Variants in AGAP1 observed in about 807,000 individuals in gnomAD.
AGAP1 encodes the protein ArfGAP with GTPase domain, ankyrin repeat and PH domain 1.
A neutral mutation model predicts 105.3 loss-of-function variants in AGAP1; 29 were observed. The ratio of observed to expected loss-of-function variants is 0.28; its 90% CI spans 0.21 to 0.38. The LOEUF is 0.38. Among genes scored for constraint, AGAP1 ranks in the 10% least tolerant of loss-of-function variants. The pLI is 1.00. For missense variants in AGAP1, 998 were observed against 1,165.1 expected, an observed-to-expected ratio of 0.86 and a Z score of 2.09; for synonymous variants, 509 against 485.9, an observed-to-expected ratio of 1.05 and a Z score of -0.63.
intron 1 of AGAP1, among the ~76,000 whole-genome samples, chr2:235,607,451 C>T (rs1369233071): frequency 6.6e-6 from 1 of 152,260 alleles, no homozygotes; most frequent in East Asian, 1.9e-4. Flanking sequence ...AGCAAACTCA[C>T]AGAGCCCAGG....
At position 236,104,877 on chromosome 2, in the gene AGAP1, G is replaced by C. The variant is rs1318609294; in HGVS notation, c.2115-15315G>C. Among the ~76,000 whole-genome samples the C allele has an allele frequency of 3.9e-5, 6 of 152,010 alleles. No individual in the cohort carries two copies. Among genetic ancestry groups the C allele is most frequent in the Non-Finnish European group, 8.8e-5 (6 of 67,994 alleles). ...TTCATGCCACTGCACTGCAGCCTGG[G>C]CTACAGAGCGAGACTCTGTCTCAAG... On this transcript the variant is annotated intron_variant, in intron 16 of 17. Transcript: ENST00000304032. This position sits in a 1 kb window ranked among gnomAD's most constrained non-coding sequence, Gnocchi z 4.7.
intron 9 of AGAP1, among the ~76,000 whole-genome samples, chr2:235,880,593 A>C (rs899666537): frequency 1.3e-5 from 2 of 149,202 alleles, no homozygotes; most frequent in African/African-American, 2.5e-5. Context: ...AAAAAAAATT[A>C]GCCAGGCATG....
chr2:235,589,705 A>G (rs58682078), intron 1 of AGAP1, among the ~76,000 whole-genome samples: 91 of 152,186 alleles, frequency 6.0e-4, no homozygotes, highest in African/African-American at 1.7e-3. Flanking sequence ...AGATAGATAG[A>G]TAGAGATATA....
At position 235,887,750 on chromosome 2, in the gene AGAP1, C is replaced by T. The variant is rs560632361; in HGVS notation, c.1155+4301C>T. Reference sequence around the variant, plus strand: ...GGTATCAATAGTGAGGTTGCTGCACCGATTCCTGGTGTATACCACTAATTT... The same window carrying T: ...GGTATCAATAGTGAGGTTGCTGCACTGATTCCTGGTGTATACCACTAATTT... On this transcript the variant is annotated intron_variant, in intron 10 of 17. Transcript: ENST00000304032. This position sits in a 1 kb window ranked among gnomAD's most constrained non-coding sequence, Gnocchi z 4.1. Among the ~76,000 whole-genome samples the T allele has an allele frequency of 8.5e-5, 13 of 152,272 alleles. No homozygotes were observed. The South Asian group carries it at 2.1e-3, about 24-fold the overall frequency.
chr2:235,943,953 TATTA>T (rs2053377641), intron 12 of AGAP1, among the ~76,000 whole-genome samples: 1 of 152,230 alleles, frequency 6.6e-6, no homozygotes, highest in South Asian at 2.1e-4. Flanking sequence ...GTGATATTAA[TATTA>T]ATTATACAAT....
chr2:236,069,599 T>C lies in AGAP1; in HGVS notation c.2114+20318T>C, dbSNP rs1161405647. Among the ~76,000 whole-genome samples the C allele has an allele frequency of 3.3e-5, 5 of 152,136 alleles. No homozygotes were observed. In the East Asian group the frequency reaches 5.8e-4, roughly 18 times the overall value. ...CCACCACGCCTGGCTAACTTTTGTA[T>C]TTTTAGTAGAGACGGGGTTTCACCA... On this transcript the variant is annotated intron_variant, in intron 16 of 17. Transcript: ENST00000304032.
rs1481587347 is a variant in AGAP1, at chr2:235,908,940, T to G, written c.1324+34T>G. ...ACAGCAAATGCACTAACAAATCAAGTTCAACAGCAACAGGTGGTCCAGGCT... is the reference window on the plus strand; with the variant it reads ...ACAGCAAATGCACTAACAAATCAAGGTCAACAGCAACAGGTGGTCCAGGCT... On this transcript the variant is annotated intron_variant, in intron 11 of 17. Coordinates refer to ENST00000304032, the MANE Select transcript of AGAP1 (RefSeq NM_001037131.3). The surrounding 1 kb of genome is among the most constrained non-coding windows in gnomAD (Gnocchi z 4.4). 3.1e-6 allele frequency: 5 copies of G among 1,588,982 alleles called. No homozygotes were observed. The African/African-American group carries it at 6.7e-5, about 21-fold the overall frequency.
At position 236,000,176 on chromosome 2, in the gene AGAP1, A is replaced by G. The variant is rs1222106110; in HGVS notation, c.1645+31553A>G. On this transcript the variant is annotated intron_variant, in intron 13 of 17. Transcript: ENST00000304032. The surrounding 1 kb of genome is among the most constrained non-coding windows in gnomAD (Gnocchi z 4.3). ...CTGGAGAGCTGCATATTACGTTGTT[A>G]TTTTTGTCTTTCCAATTACACTAAC... is the stretch of plus-strand genomic sequence containing the variant. Among the ~76,000 whole-genome samples, 1 of 152,086 alleles carries G rather than the reference A, an allele frequency of 6.6e-6. No individual in the cohort carries two copies. The highest frequency in any genetic ancestry group is 1.5e-5 in the Non-Finnish European group (1 of 68,024).
intron 6 of AGAP1, among the ~76,000 whole-genome samples, chr2:235,780,410 C>T (rs1018722065): frequency 1.1e-4 from 16 of 151,984 alleles, no homozygotes; most frequent in African/African-American, 3.6e-4. Flanking sequence ...AGTAAGCAAA[C>T]TCAAAGAGAT....
chr2:235,776,939 A>G, intron 6 of AGAP1: 1 of 471,154 alleles, frequency 2.1e-6, no homozygotes, highest in East Asian at 7.0e-5. Context: ...GAGCAGGAAA[A>G]GCTGGGGCCG....
At chr2:235,548,125 A>G (rs1463912545) in intron 1 of AGAP1, among the ~76,000 whole-genome samples, 2 of 152,214 alleles carry the variant, frequency 1.3e-5, no homozygotes, top group Non-Finnish European at 2.9e-5. Context: ...AAATGGCACG[A>G]TTGCTCTGCT....
At chr2:235,809,434 C>T (rs1003609001) in intron 9 of AGAP1, among the ~76,000 whole-genome samples, 4 of 152,046 alleles carry the variant, frequency 2.6e-5, no homozygotes, top group Non-Finnish European at 5.9e-5. Flanking sequence ...CCACAGACAG[C>T]TCCCTCCTCA....
intron 9 of AGAP1, among the ~76,000 whole-genome samples, chr2:235,840,060 G>T (rs746416103): frequency 1.3e-5 from 2 of 152,210 alleles, no homozygotes; most frequent in African/African-American, 2.4e-5. Flanking sequence ...CCCTTGATGG[G>T]AATGTTTGTA....
chr2:235,656,576 C>T (rs1947779856), intron 1 of AGAP1, among the ~76,000 whole-genome samples: 1 of 152,126 alleles, frequency 6.6e-6, no homozygotes, highest in South Asian at 2.1e-4. Flanking sequence ...AACCACTCAC[C>T]GGGTCACTCT....
rs759659007 is a variant in AGAP1 at position 236,000,723 on chromosome 2, C to G, written c.1645+32100C>G. Among the ~76,000 whole-genome samples, 1 of 152,190 alleles carries G rather than the reference C, an allele frequency of 6.6e-6. No homozygotes were observed. Among genetic ancestry groups the G allele is most frequent in the Non-Finnish European group, 1.5e-5 (1 of 68,048 alleles). On this transcript the variant is annotated intron_variant, in intron 13 of 17. Transcript: ENST00000304032. This position sits in a 1 kb window ranked among gnomAD's most constrained non-coding sequence, Gnocchi z 4.3. ...GGCACATGCCTGAGGCAATCAGCCC[C>G]GATGGTGTGGCGGGGCAGGTACTAG...
chr2:235,860,059 T>C (rs929133024), intron 9 of AGAP1, among the ~76,000 whole-genome samples: 1 of 152,234 alleles, frequency 6.6e-6, no homozygotes, highest in Non-Finnish European at 1.5e-5. Flanking sequence ...GTTTAGGGGC[T>C]AAACCTTCAT....
Position 235,879,458 on chromosome 2 carries a change from C to G in AGAP1, c.1051-3887C>G, listed in dbSNP as rs552593879. Among the ~76,000 whole-genome samples, 1 of 152,208 alleles carries G rather than the reference C, an allele frequency of 6.6e-6. No individual in the cohort carries two copies. Among genetic ancestry groups the G allele is most frequent in the African/African-American group, 2.4e-5 (1 of 41,450 alleles). ...GGGTATTCTGTAGTCCTGCCACTTACGCAGCATTTGAATAGTGCCTATAAT... is the reference window on the plus strand; with the variant it reads ...GGGTATTCTGTAGTCCTGCCACTTAGGCAGCATTTGAATAGTGCCTATAAT... On this transcript the variant is annotated intron_variant, in intron 9 of 17. Coordinates refer to ENST00000304032, the MANE Select transcript of AGAP1 (RefSeq NM_001037131.3). This position sits in a 1 kb window ranked among gnomAD's most constrained non-coding sequence, Gnocchi z 5.0.
chr2:235,593,264 T>C (rs1369743663), intron 1 of AGAP1, among the ~76,000 whole-genome samples: 1 of 152,116 alleles, frequency 6.6e-6, no homozygotes, highest in African/African-American at 2.4e-5. Context: ...ATTGGGTAAA[T>C]AGGCTCTTCC....
intron 1 of AGAP1, among the ~76,000 whole-genome samples, chr2:235,523,415 G>T (rs1942699526): frequency 6.6e-6 from 1 of 152,190 alleles, no homozygotes; most frequent in Non-Finnish European, 1.5e-5. Flanking sequence ...CACCTGTGCT[G>T]CATGGTGATT....
Sources: gnomAD v4.1 joint callset for allele counts (sites outside exome capture counted in the v4.1 genomes callset) on GRCh38, gnomAD v4.1.1 for gene constraint, Gnocchi (gnomAD v3.1) non-coding constraint, MANE v1.5 for transcripts, NCBI Gene and HGNC (gene_info 2026-07-23, HGNC 2026-07-21) for gene names.